Variants in COX7B2 observed in about 807,000 individuals in gnomAD.
The protein encoded by COX7B2 is cytochrome c oxidase subunit 7B2, also known as cytochrome c oxidase subunit 7B2, mitochondrial.
For synonymous variants in COX7B2, 37 were observed against 32.1 expected (o/e 1.15, Z -0.51); for missense variants, 109 against 95.9 (o/e 1.14, Z -0.57).
chr4:46,864,793 G>C (rs191252192), intron 1 of COX7B2, among the ~76,000 whole-genome samples: 2 of 151,888 alleles, frequency 1.3e-5, no homozygotes, highest in Admixed American at 6.6e-5. Flanking sequence ...TACAGGCGCC[G>C]GCCACCACGC....
chr4:46,879,817 C>T (rs1284015398), intron 1 of COX7B2, among the ~76,000 whole-genome samples: 1 of 151,906 alleles, frequency 6.6e-6, no homozygotes, highest in African/African-American at 2.4e-5. Flanking sequence ...AATGACAACT[C>T]TTTATTGTAC....
rs190042121 is a variant in COX7B2 at position 46,735,266 on chromosome 4, T to C, written c.-49-25A>G. The C allele has an allele frequency of 5.5e-5, 84 of 1,514,850 alleles. No homozygotes were observed. The East Asian group carries it at 1.6e-3, about 30-fold the overall frequency. 93.8% of individuals were successfully genotyped at this position (1,514,850 alleles called of 1,614,324 possible). A position where few individuals can be genotyped will look rare whatever the true frequency, so the allele number is the denominator to read the frequency against. On this transcript the variant is annotated intron_variant, in intron 2 of 2. Transcript: ENST00000355591. ...GCTGGAAAGAGAGAAAAGATATGCA[T>C]TGATGTCCAATCTTTATTCAATTCC...
chr4:46,795,050 GT>G lies in COX7B2; in HGVS notation c.-50+49909del, dbSNP rs1718252103. 5.0e-5 allele frequency among the ~76,000 whole-genome samples: 7 copies of G among 139,400 alleles called. 1 individual carries two copies. The highest frequency in any genetic ancestry group is 2.8e-4 in the Admixed American group (4 of 14,440). The allele number at this position is 139,400 out of a possible 152,430, so 91.5% of individuals were successfully genotyped here. A position where few individuals can be genotyped will look rare whatever the true frequency, so the allele number is the denominator to read the frequency against. ...CGCCCACTTTTTGATGGGGTTGTTT[GT>G]TTTTTTCTTGTAAATTTGTTTGAGT... On this transcript the variant is annotated intron_variant, in intron 2 of 2. Coordinates refer to ENST00000355591, the MANE Select transcript of COX7B2 (RefSeq NM_130902.3).
intron 2 of COX7B2, among the ~76,000 whole-genome samples, chr4:46,767,511 C>T (rs1222872344): frequency 6.6e-6 from 1 of 152,066 alleles, no homozygotes; most frequent in African/African-American, 2.4e-5. Flanking sequence ...ATAAACTTAA[C>T]AGACATATAC....
Position 46,798,586 on chromosome 4 carries a change from T to A in COX7B2, c.-50+46374A>T, listed in dbSNP as rs573820304. On this transcript the variant is annotated intron_variant, in intron 2 of 2. Transcript: ENST00000355591. ...ATTTTGGAACAAGGCCCTGCCATGA[T>A]CTGCAGAAAGCTACTATCCTTTTGA... Among the ~76,000 whole-genome samples the A allele has an allele frequency of 1.8e-4, 27 of 152,300 alleles. 1 individual carries two copies. Among genetic ancestry groups the A allele is most frequent in the African/African-American group, 5.8e-4 (24 of 41,568 alleles).
chr4:46,781,949 C>T (rs539886805), intron 2 of COX7B2, among the ~76,000 whole-genome samples: 3 of 152,168 alleles, frequency 2.0e-5, no homozygotes, highest in East Asian at 3.9e-4. Context: ...CCATCCCGCC[C>T]GGAGGGCTCC....
intron 2 of COX7B2, among the ~76,000 whole-genome samples, chr4:46,828,732 G>A (rs1365183497): frequency 6.6e-6 from 1 of 152,030 alleles, no homozygotes; most frequent in African/African-American, 2.4e-5. Context: ...TTATACAAAT[G>A]AAAACATGAA....
intron 1 of COX7B2, among the ~76,000 whole-genome samples, chr4:46,875,661 C>CAAG: frequency 6.6e-6 from 1 of 151,964 alleles, no homozygotes; most frequent in East Asian, 1.9e-4. Flanking sequence ...AAACAGCATC[C>CAAG]CATTTTAGTT....
intron 2 of COX7B2, among the ~76,000 whole-genome samples, chr4:46,776,946 G>A (rs1454615930): frequency 2.0e-5 from 3 of 152,238 alleles, no homozygotes; most frequent in East Asian, 1.9e-4. Context: ...CTAATTTGCC[G>A]CAGCTGGCAG....
chr4:46,759,864 A>G (rs1716036552), intron 2 of COX7B2, among the ~76,000 whole-genome samples: 1 of 149,862 alleles, frequency 6.7e-6, no homozygotes, highest in Non-Finnish European at 1.5e-5. Flanking sequence ...ATCTTATATA[A>G]GTTATATAAG....
At chr4:46,749,385 A>G (rs1193277548) in intron 2 of COX7B2, among the ~76,000 whole-genome samples, 1 of 152,190 alleles carries the variant, frequency 6.6e-6, no homozygotes, top group Non-Finnish European at 1.5e-5. Flanking sequence ...TGGTCTTTCC[A>G]CAATACCTCT....
At chr4:46,806,291 C>A (rs1055895225) in intron 2 of COX7B2, among the ~76,000 whole-genome samples, 3 of 151,106 alleles carry the variant, frequency 2.0e-5, no homozygotes, top group African/African-American at 7.3e-5. Flanking sequence ...ATAGGCATAA[C>A]TTAAAGCAGA....
chr4:46,843,080 T>C (rs1006673764), intron 2 of COX7B2, among the ~76,000 whole-genome samples: 2 of 152,108 alleles, frequency 1.3e-5, no homozygotes, highest in African/African-American at 4.8e-5. Context: ...CCTGACTTTT[T>C]AATGATCACC....
At chr4:46,777,214 A>G (rs1379219334) in intron 2 of COX7B2, among the ~76,000 whole-genome samples, 3 of 152,158 alleles carry the variant, frequency 2.0e-5, no homozygotes, top group African/African-American at 7.2e-5. Context: ...CAGACCAAAA[A>G]AATTCCATGA....
intron 2 of COX7B2, among the ~76,000 whole-genome samples, chr4:46,782,293 T>A (rs866320741): frequency 6.6e-6 from 1 of 151,918 alleles, no homozygotes; most frequent in Non-Finnish European, 1.5e-5. Context: ...GGATTGTAAA[T>A]GCTAAAGGAT....
At chr4:46,804,840 C>T (rs1159604662) in intron 2 of COX7B2, among the ~76,000 whole-genome samples, 1 of 152,236 alleles carries the variant, frequency 6.6e-6, no homozygotes, top group South Asian at 2.1e-4. Context: ...CACTCCTCAG[C>T]CTTTGGGTGG....
At chr4:46,774,304 C>T (rs185871103) in intron 2 of COX7B2, among the ~76,000 whole-genome samples, 13 of 152,214 alleles carry the variant, frequency 8.5e-5, no homozygotes, top group Admixed American at 3.9e-4. Flanking sequence ...CGTCTATCAA[C>T]GGCTACTTTC....
chr4:46,908,730 G>A (rs1331242865), intron 1 of COX7B2, among the ~76,000 whole-genome samples: 3 of 76,328 alleles, frequency 3.9e-5, no homozygotes, highest in East Asian at 4.4e-4. Context: ...AACAAAAAAG[G>A]AAAGTGGCAA....
At chr4:46,854,331 G>C (rs898655317) in intron 1 of COX7B2, among the ~76,000 whole-genome samples, 1 of 152,112 alleles carries the variant, frequency 6.6e-6, no homozygotes, top group Non-Finnish European at 1.5e-5. Flanking sequence ...GATCCCATTA[G>C]AGTGCTAACA....
Sources: allele counts gnomAD v4.1 joint callset (sites outside exome capture counted in the v4.1 genomes callset), GRCh38; gene constraint gnomAD v4.1.1; transcripts MANE v1.5; gene names NCBI Gene and HGNC (gene_info 2026-07-23, HGNC 2026-07-21).